TASOR2: variants seen among roughly 807,000 people sequenced by gnomAD.
TASOR2 encodes transcription activation suppressor family member 2.
A neutral mutation model predicts 199.5 loss-of-function variants in TASOR2; 84 were observed. The observed-to-expected ratio is 0.42, with a 90% CI of 0.35 to 0.50. The LOEUF (loss-of-function observed/expected upper bound fraction) is 0.50, where lower values mean the gene tolerates loss of function less well. TASOR2 is among the 20% of genes least tolerant of loss of function. The pLI is 0.02. For synonymous variants in TASOR2, 1,103 were observed against 1,046.6 expected (o/e 1.05, Z -1.04); for missense variants, 2,796 against 2,835.9 (o/e 0.99, Z 0.32).
Position 5,747,851 on chromosome 10 carries a change from C to G in TASOR2, c.4430C>G (p.Ala1477Gly), listed in dbSNP as rs759045456. The change falls in exon 15 of 21, where the codon GCC (alanine) becomes GGC (glycine). Residue 1477 changes from alanine (A) to glycine (G), a missense_variant. By Grantham distance (60) the Ala-to-Gly change is moderately conservative. Transcript: ENST00000328090. ...CAGGTACAACAAATGCAGGTCTCTG[C>G]CGAAATGCCTCTAATATTAACTGAT... 1.2e-6 allele frequency: 2 copies of G among 1,613,778 alleles called. 1 individual carries two copies. Among genetic ancestry groups the G allele is most frequent in the South Asian group, 2.2e-5 (2 of 91,076 alleles).
At chr10:5,746,293 C>G (rs1837194390) in exon 15 of TASOR2, 1 of 1,614,084 alleles carries the variant, frequency 6.2e-7, no homozygotes, top group East Asian at 2.2e-5. Flanking sequence ...AGAAATTGTT[C>G]AGCCACTGGA....
In TASOR2 at chr10:5,748,304, G is replaced by T. The variant is rs1837509798; in HGVS notation, c.4883G>T (p.Gly1628Val). The T allele has an allele frequency of 1.9e-6, 3 of 1,614,062 alleles. No homozygotes were observed. The African/African-American group carries it at 4.0e-5, about 22-fold the overall frequency. ...CCCGGTGATTTGAAAACAGATGAAGGCATTTATCTGCAGGTGAAGTCCTTG... is the reference window on the plus strand; with the variant it reads ...CCCGGTGATTTGAAAACAGATGAAGTCATTTATCTGCAGGTGAAGTCCTTG... Residue 1628 changes from glycine to valine, a missense_variant, in exon 15 of 21, where the codon GGC becomes GTC. Transcript: ENST00000328090. This position sits in a 1 kb window ranked among gnomAD's most constrained non-coding sequence, Gnocchi z 5.1.
At chr10:5,741,991 TAAA>T (rs898382245) in intron 13 of TASOR2, 103 bp from the exon 15 acceptor site, 26 of 1,078,304 alleles carry the variant, frequency 2.4e-5, no homozygotes, top group Non-Finnish European at 3.1e-5. Context: ...ATTTTAAAAA[TAAA>T]AACAAAAACT....
Position 5,706,476 on chromosome 10 carries a change from A to G in TASOR2, c.-287-6347A>G, listed in dbSNP as rs1393854541. On this transcript the variant is annotated intron_variant, in intron 1 of 20. Transcript: ENST00000328090. This position sits in a 1 kb window ranked among gnomAD's most constrained non-coding sequence, Gnocchi z 4.8. Reference sequence around the variant, plus strand: ...CAAGCCCAGATTGAAGCTGGAAGACATAGTGCTCCAGAAAGGTCCTTCCAA... The same window carrying G: ...CAAGCCCAGATTGAAGCTGGAAGACGTAGTGCTCCAGAAAGGTCCTTCCAA... Among the ~76,000 whole-genome samples the G allele has an allele frequency of 3.3e-5, 5 of 152,240 alleles. No individual in the cohort carries two copies. Among genetic ancestry groups the G allele is most frequent in the African/African-American group, 7.2e-5 (3 of 41,454 alleles).
chr10:5,698,215 G>A lies in TASOR2; in HGVS notation c.-288+13040G>A, dbSNP rs1837384943. 6.6e-6 allele frequency among the ~76,000 whole-genome samples: 1 copy of A among 152,148 alleles called. No homozygotes were observed. The highest frequency in any genetic ancestry group is 1.5e-5 in the Non-Finnish European group (1 of 68,016). ...TAAGAGGCCTTGGGTATTTTTATTT[G>A]TTCTCTTTCTATCTGTGCCATTTCC... On this transcript the variant is annotated intron_variant, in intron 1 of 20. Transcript: ENST00000328090. The surrounding 1 kb of genome is among the most constrained non-coding windows in gnomAD (Gnocchi z 4.4).
At chr10:5,711,007 T>G (rs1305918512) in intron 1 of TASOR2, among the ~76,000 whole-genome samples, 1 of 152,168 alleles carries the variant, frequency 6.6e-6, no homozygotes, top group Non-Finnish European at 1.5e-5. Context: ...TATTTGCATC[T>G]ATTCAGAATA....
At chr10:5,753,439 T>G (rs1838355125) in intron 15 of TASOR2, among the ~76,000 whole-genome samples, 1 of 152,206 alleles carries the variant, frequency 6.6e-6, no homozygotes, top group Admixed American at 6.5e-5. Flanking sequence ...CTCGGCTCAC[T>G]GCAAGCTCTG....
At position 5,719,545 on chromosome 10, in the gene TASOR2, A is replaced by G. The variant is rs573894114; in HGVS notation, c.-99-999A>G. On this transcript the variant is annotated intron_variant, in intron 3 of 20. Coordinates refer to ENST00000328090, the Ensembl canonical transcript of TASOR2. The surrounding 1 kb of genome is among the most constrained non-coding windows in gnomAD (Gnocchi z 4.1). ...TTTTTAGTAAAGGCAGGGTTTCACCATGTTGGCCAGGATGGTCTTGATCTC... is the reference window on the plus strand; with the variant it reads ...TTTTTAGTAAAGGCAGGGTTTCACCGTGTTGGCCAGGATGGTCTTGATCTC... 6.6e-6 allele frequency among the ~76,000 whole-genome samples: 1 copy of G among 152,190 alleles called. No individual in the cohort carries two copies. The highest frequency in any genetic ancestry group is 2.1e-4 in the South Asian group (1 of 4,824).
rs1297953563 is a variant in TASOR2 at position 5,754,713 on chromosome 10, TAAC to T, written c.6607-1897_6607-1895del. 6.6e-6 allele frequency among the ~76,000 whole-genome samples: 1 copy of T among 152,024 alleles called. No homozygotes were observed. The highest frequency in any genetic ancestry group is 1.5e-5 in the Non-Finnish European group (1 of 68,012). On this transcript the variant is annotated intron_variant, in intron 15 of 20. Transcript: ENST00000328090. The surrounding 1 kb of genome is among the most constrained non-coding windows in gnomAD (Gnocchi z 4.3). ...TGGTGTCACTGTTTACAACAGAAAATAACAAATGTGCAAAGGTAAAACTACTTG... is the reference window on the plus strand; with the variant it reads ...TGGTGTCACTGTTTACAACAGAAAATAAATGTGCAAAGGTAAAACTACTTG...
intron 15 of TASOR2, among the ~76,000 whole-genome samples, chr10:5,756,107 A>G (rs1838899420): frequency 6.6e-6 from 1 of 152,178 alleles, no homozygotes; most frequent in South Asian, 2.1e-4. Flanking sequence ...CTGTGTGTTG[A>G]TTGTACTGGG....
chr10:5,691,368 T>G (rs770604384), intron 1 of TASOR2, among the ~76,000 whole-genome samples: 1 of 152,122 alleles, frequency 6.6e-6, no homozygotes, highest in Non-Finnish European at 1.5e-5. Flanking sequence ...AAAACAATCT[T>G]CAAAAATTGA....
At chr10:5,721,906 A>T (rs1256780566) in intron 6 of TASOR2, among the ~76,000 whole-genome samples, 1 of 152,222 alleles carries the variant, frequency 6.6e-6, no homozygotes, top group African/African-American at 2.4e-5. Flanking sequence ...CATTCTGCAA[A>T]ATCGTCTATA....
At chr10:5,718,856 G>A (rs1340511405) in intron 3 of TASOR2, among the ~76,000 whole-genome samples, 4 of 151,798 alleles carry the variant, frequency 2.6e-5, no homozygotes, top group Non-Finnish European at 4.4e-5. Flanking sequence ...GCTCTGCGAT[G>A]AGTGCTGCAG....
Position 5,687,072 on chromosome 10 carries a change from T to A in TASOR2, c.-288+1897T>A, listed in dbSNP as rs2131477519. 6.6e-6 allele frequency among the ~76,000 whole-genome samples: 1 copy of A among 152,328 alleles called. No individual in the cohort carries two copies. The highest frequency in any genetic ancestry group is 6.5e-5 in the Admixed American group (1 of 15,312). Reference sequence around the variant, plus strand: ...TTCTAAGAGAATATGTACATCTCCCTTTTCTTTAAAAATTTTTTATTGTGA... The same window carrying A: ...TTCTAAGAGAATATGTACATCTCCCATTTCTTTAAAAATTTTTTATTGTGA... On this transcript the variant is annotated intron_variant, in intron 1 of 20. Coordinates refer to ENST00000328090, the Ensembl canonical transcript of TASOR2. The surrounding 1 kb of genome is among the most constrained non-coding windows in gnomAD (Gnocchi z 4.8).
exon 15 of TASOR2, chr10:5,749,477 C>T: frequency 6.2e-7 from 1 of 1,614,136 alleles, no homozygotes; most frequent in South Asian, 1.1e-5. Context: ...GGTGCTTTCC[C>T]TTCGACAAAA....
At chr10:5,707,364 G>C (rs1564269446) in intron 1 of TASOR2, among the ~76,000 whole-genome samples, 1 of 152,086 alleles carries the variant, frequency 6.6e-6, no homozygotes, top group African/African-American at 2.4e-5. Flanking sequence ...GCAGCCCCCA[G>C]GTTAGTTTAT....
intron 1 of TASOR2, among the ~76,000 whole-genome samples, chr10:5,692,557 C>A (rs1836568466): frequency 6.6e-6 from 1 of 152,104 alleles, no homozygotes; most frequent in Non-Finnish European, 1.5e-5. Context: ...TGGGGTCCTG[C>A]GGGTTCTGTA....
intron 14 of TASOR2, among the ~76,000 whole-genome samples, chr10:5,744,922 C>T (rs1564339406): frequency 6.6e-6 from 1 of 152,208 alleles, no homozygotes; most frequent in Non-Finnish European, 1.5e-5. Context: ...AGAAGCCGTG[C>T]CCTACCTAAG....
intron 1 of TASOR2, chr10:5,712,381 T>C: frequency 3.2e-6 from 4 of 1,231,372 alleles, no homozygotes; most frequent in Non-Finnish European, 4.1e-6. Context: ...TTATTTTTGT[T>C]TGTGTTTTAC....
Sources: allele counts gnomAD v4.1 joint callset (sites outside exome capture counted in the v4.1 genomes callset), GRCh38; gene constraint gnomAD v4.1.1; non-coding constraint Gnocchi (gnomAD v3.1); transcripts MANE v1.5; gene names NCBI Gene and HGNC (gene_info 2026-07-23, HGNC 2026-07-21).